DNAH2: variants seen among roughly 807,000 people sequenced by gnomAD.
The protein encoded by DNAH2 is axonemal beta dynein heavy chain 2.
DNAH2 carries 323 observed loss-of-function variants against 523.5 expected under a neutral mutation model. The observed-to-expected ratio is 0.62, with a 90% CI of 0.56 to 0.68. The LOEUF is 0.68. DNAH2 is among the 30% of genes least tolerant of loss of function. The pLI is 0.00. For synonymous variants in DNAH2, 2,093 were observed against 2,177.4 expected (o/e 0.96, Z 1.08); for missense variants, 4,907 against 5,701.5 (o/e 0.86, Z 4.49).
rs763264138 is a variant in DNAH2, at chr17:7,818,332, A to G, written c.10408A>G (p.Ile3470Val). The change falls in exon 69 of 86, where the codon ATT becomes GTT. Residue 3470 changes from isoleucine (I) to valine (V), a missense_variant. Coordinates refer to ENST00000572933, the MANE Select transcript of DNAH2 (RefSeq NM_020877.5). ...TGCAGGTGGTCGGCTGTTGATGCGCATTGGCGATAAGGAGGTGGAATATAA... is the reference window on the plus strand; with the variant it reads ...TGCAGGTGGTCGGCTGTTGATGCGCGTTGGCGATAAGGAGGTGGAATATAA... ...ARIGGRLLMR[I>V]GDKEVEYNTN... 4 of 1,614,068 alleles carry G rather than the reference A, an allele frequency of 2.5e-6. No homozygotes were observed. In the East Asian group the frequency reaches 8.9e-5, roughly 36 times the overall value.
chr17:7,788,027 A>G (rs1222941098), intron 43 of DNAH2, 30 bp downstream of exon 43: 10 of 1,613,488 alleles, frequency 6.2e-6, no homozygotes, highest in Non-Finnish European at 8.5e-6. Flanking sequence ...GAGGGAAAGT[A>G]ACCAGGGTGG....
Position 7,798,982 on chromosome 17 carries a change from T to C in DNAH2, c.8560-121T>C. ...GGGGGGTGCTGAAGTGGGAGGATGGTTTGAGGCCAGGAGTTCAAGTCCAGC... is the reference window on the plus strand; with the variant it reads ...GGGGGGTGCTGAAGTGGGAGGATGGCTTGAGGCCAGGAGTTCAAGTCCAGC... On this transcript the variant is annotated intron_variant, in intron 55 of 85. Transcript: ENST00000572933. The surrounding 1 kb of genome is among the most constrained non-coding windows in gnomAD (Gnocchi z 5.5). 1 of 1,394,188 alleles carries C rather than the reference T, an allele frequency of 7.2e-7. No individual in the cohort carries two copies. The highest frequency in any genetic ancestry group is 9.7e-7 in the Non-Finnish European group (1 of 1,032,826). 86.4% of individuals were successfully genotyped at this position (1,394,188 alleles called of 1,614,324 possible).
rs756888357 is a variant in DNAH2 at position 7,763,968 on chromosome 17, T to A, written c.3116T>A (p.Leu1039His). The change falls in exon 19 of 86, where the codon CTC becomes CAC. Residue 1039 changes from leucine (L) to histidine (H), a missense_variant. Transcript: ENST00000572933. ...TGGCAGAACAAGTTCGCGACTCTGC[T>A]CAGGGAGATGGCTGCTGGGCGCCTC... ...NEWQNKFATL[L>H]REMAAGRLLE... The A allele has an allele frequency of 1.9e-6, 3 of 1,614,202 alleles. No individual in the cohort carries two copies. Among genetic ancestry groups the A allele is most frequent in the Non-Finnish European group, 2.5e-6 (3 of 1,180,034 alleles).
chr17:7,823,870 T>G lies in DNAH2; in HGVS notation c.11366T>G (p.Met3789Arg), dbSNP rs2077939594. ...WENACNEMQR[M>R]LIVRSLRQDR... ...AATGCCTGCAATGAAATGCAACGGA[T>G]GCTGATCGTTCGCTCCCTGCGCCAG... Residue 3789 changes from methionine (M) to arginine (R), a missense_variant, in exon 75 of 86, where the codon ATG becomes AGG. Coordinates refer to ENST00000572933, the MANE Select transcript of DNAH2 (RefSeq NM_020877.5). The G allele has an allele frequency of 6.2e-7, 1 of 1,614,176 alleles. No homozygotes were observed. The highest frequency in any genetic ancestry group is 8.5e-7 in the Non-Finnish European group (1 of 1,180,048).
intron 61 of DNAH2, 117 bp downstream of exon 61, chr17:7,805,510 G>A (rs2077345488): frequency 1.4e-6 from 2 of 1,444,856 alleles, no homozygotes; most frequent in Admixed American, 1.9e-5. Flanking sequence ...TTACCCTCAA[G>A]AGCACAGGGC....
chr17:7,817,512 T>C, intron 65 of DNAH2, 49 bp from the exon 66 acceptor site: 1 of 1,613,700 alleles, frequency 6.2e-7, no homozygotes, highest in Non-Finnish European at 8.5e-7. Context: ...GCGCGGGGGC[T>C]GCTGGGCTCA....
At chr17:7,749,354 A>G (rs1399641778) in intron 12 of DNAH2, among the ~76,000 whole-genome samples, 2 of 144,566 alleles carry the variant, frequency 1.4e-5, no homozygotes, top group Non-Finnish European at 1.5e-5. Context: ...AAAAAGAAAG[A>G]AAAAAGAAAA....
In DNAH2 at chr17:7,788,187, C is replaced by T. The variant is rs11871543; in HGVS notation, c.6843C>T (p.Tyr2281=). ...AGGAGCTGGTGCCCCTGCCCGAGTA[C>T]AGCGGTATCACCTCCCTCTGCAAGC... is the stretch of plus-strand genomic sequence containing the variant. The part of the protein sequence containing the change: ...NCKELVPLPE[Y]SGITSLCKLY... Residue 2281 remains tyrosine (Y), a synonymous_variant, in exon 44 of 86, where the codon TAC becomes TAT. Transcript: ENST00000572933. 4.2e-3 allele frequency: 6,749 copies of T among 1,611,932 alleles called. 184 individuals carry two copies. In the African/African-American group the frequency reaches 0.068, roughly 16 times the overall value.
intron 72 of DNAH2, among the ~76,000 whole-genome samples, chr17:7,820,117 G>T (rs929001043): frequency 6.6e-6 from 1 of 152,080 alleles, no homozygotes; most frequent in African/African-American, 2.4e-5. Context: ...CAAAAACTGG[G>T]AGTTATCCTT....
chr17:7,817,653 G>T lies in DNAH2; in HGVS notation c.10113G>T (p.Gly3371=), dbSNP rs772686967. 1 of 1,614,026 alleles carries T rather than the reference G, an allele frequency of 6.2e-7. No homozygotes were observed. Among genetic ancestry groups the T allele is most frequent in the Admixed American group, 1.7e-5 (1 of 60,000 alleles). Residue 3371 remains glycine, a synonymous_variant, in exon 66 of 86, where the codon GGG becomes GGT. Transcript: ENST00000572933. The part of the protein sequence containing the change: ...PTKVRDWNIQ[G]LPSDAFSTEN... ...AAGTCCGGGACTGGAACATCCAAGG[G>T]TTGCCCTCAGACGCCTTCTCCACTG... is the stretch of plus-strand genomic sequence containing the variant.
Position 7,723,681 on chromosome 17 carries a change from G to A in DNAH2, c.220G>A (p.Ala74Thr), listed in dbSNP as rs2074704256. The part of the protein sequence containing the change: ...AQSEESVEPE[A>T]DVKPLFLSRA... The stretch of plus-strand genomic sequence containing the variant: ...GAGTGAAGAATCAGTGGAGCCCGAG[G>A]CAGATGTGGTAGGCTTGGGTCTTCC... Residue 74 changes from alanine to threonine, a missense_variant, in exon 3 of 86, where the codon GCA becomes ACA. This residue lies in a region of DNAH2 where 2,806 missense variants were observed against 3,190.8 expected (regional missense o/e 0.88). Transcript: ENST00000572933. The A allele has an allele frequency of 6.2e-7, 1 of 1,613,998 alleles. No individual in the cohort carries two copies. Among genetic ancestry groups the A allele is most frequent in the South Asian group, 1.1e-5 (1 of 91,080 alleles).
Position 7,760,060 on chromosome 17 carries a change from G to A in DNAH2, c.2785+122G>A. ...TGGGCCAGTCACCTCCCTGACCTGG[G>A]GAAAACTCAGGTCAAGGGGCCAGAT... is the stretch of plus-strand genomic sequence containing the variant. On this transcript the variant is annotated intron_variant, in intron 17 of 85. Transcript: ENST00000572933. This position sits in a 1 kb window ranked among gnomAD's most constrained non-coding sequence, Gnocchi z 4.0. 6.9e-7 allele frequency: 1 copy of A among 1,448,254 alleles called. No individual in the cohort carries two copies. The highest frequency in any genetic ancestry group is 9.5e-7 in the Non-Finnish European group (1 of 1,052,968). 89.7% of individuals were successfully genotyped at this position (1,448,254 alleles called of 1,614,324 possible).
chr17:7,785,292 G>T (rs764056361), intron 39 of DNAH2, among the ~76,000 whole-genome samples: 2 of 152,030 alleles, frequency 1.3e-5, no homozygotes, highest in African/African-American at 2.4e-5. Context: ...TAGTAGAGAC[G>T]GGGTTTCGCC....
chr17:7,740,602 G>A (rs1262263162), intron 10 of DNAH2, 53 bp downstream of exon 10: 1 of 1,601,510 alleles, frequency 6.2e-7, no homozygotes, highest in Non-Finnish European at 8.5e-7. Context: ...CTTTCCTGGA[G>A]TCCCTCCTTC....
rs1333729173 is a variant in DNAH2, at chr17:7,832,853, G to A, written c.12904-1G>A. On this transcript the variant is annotated splice_acceptor_variant, in intron 83 of 85. Transcript: ENST00000572933. LOFTEE classifies it high-confidence loss of function. The surrounding 1 kb of genome is among the most constrained non-coding windows in gnomAD (Gnocchi z 4.3). ...CTCTTATTCTCACCTTCAACCCCCAGGTTTCAGTGGACAGCCTCTCCTGGG... is the reference window on the plus strand; with the variant it reads ...CTCTTATTCTCACCTTCAACCCCCAAGTTTCAGTGGACAGCCTCTCCTGGG... 3 of 1,614,106 alleles carry A rather than the reference G, an allele frequency of 1.9e-6. No individual in the cohort carries two copies. Among genetic ancestry groups the A allele is most frequent in the Non-Finnish European group, 2.5e-6 (3 of 1,180,050 alleles).
In DNAH2 at chr17:7,797,599, C is replaced by T. The variant is rs191093614; in HGVS notation, c.8080+69C>T. 125 of 1,613,780 alleles carry T rather than the reference C, an allele frequency of 7.7e-5. No individual in the cohort carries two copies. In the African/African-American group the frequency reaches 1.5e-3, roughly 19 times the overall value. On this transcript the variant is annotated intron_variant, in intron 52 of 85. Transcript: ENST00000572933. Reference sequence around the variant, plus strand: ...ACATCGGGGCTAGAAGGAGTCAGGGCATGGGGTCTGAAGTGTGGAGCCCTG... The same window carrying T: ...ACATCGGGGCTAGAAGGAGTCAGGGTATGGGGTCTGAAGTGTGGAGCCCTG...
At chr17:7,738,421 C>T (rs928196677) in intron 8 of DNAH2, among the ~76,000 whole-genome samples, 9 of 152,090 alleles carry the variant, frequency 5.9e-5, no homozygotes, top group Admixed American at 4.6e-4. Flanking sequence ...GCTCAGCCTC[C>T]GAGGTTCATG....
At chr17:7,787,761 C>A in intron 42 of DNAH2, 99 bp from the exon 43 acceptor site, 73 of 1,126,292 alleles carry the variant, frequency 6.5e-5, no homozygotes, top group Non-Finnish European at 8.0e-5. Context: ...AAAAGCAAAT[C>A]GTTTGTGAAC....
chr17:7,817,663 G>A lies in DNAH2; in HGVS notation c.10123G>A (p.Asp3375Asn), dbSNP rs762403638. The A allele has an allele frequency of 3.7e-6, 6 of 1,614,182 alleles. No homozygotes were observed. Among genetic ancestry groups the A allele is most frequent in the Middle Eastern group, 1.6e-4 (1 of 6,062 alleles). ...CTGGAACATCCAAGGGTTGCCCTCAGACGCCTTCTCCACTGAGAATGGCAT... is the reference window on the plus strand; with the variant it reads ...CTGGAACATCCAAGGGTTGCCCTCAAACGCCTTCTCCACTGAGAATGGCAT... ...RDWNIQGLPSDAFSTENGIIV... is the reference protein window; with the variant it reads ...RDWNIQGLPSNAFSTENGIIV... Residue 3375 changes from aspartate to asparagine, a missense_variant, in exon 66 of 86, where the codon GAC becomes AAC. Transcript: ENST00000572933.
Sources: gnomAD v4.1 joint callset for allele counts (sites outside exome capture counted in the v4.1 genomes callset) on GRCh38, gnomAD v4.1.1 for gene constraint, gnomAD v4.1.1 regional missense constraint, Gnocchi (gnomAD v3.1) non-coding constraint, MANE v1.5 for transcripts, NCBI Gene and HGNC (gene_info 2026-07-23, HGNC 2026-07-21) for gene names.